The following RNF213 variants were observed in gnomAD, a reference collection of about 807,000 sequenced individuals.
RNF213 encodes the protein E3 ubiquitin-protein ligase RNF213.
A neutral mutation model predicts 514.4 loss-of-function variants in RNF213; 341 were observed. That is an observed-to-expected ratio of 0.66 (90% CI 0.61 to 0.73). RNF213 has a LOEUF of 0.73. Ranked by LOEUF, RNF213 falls within the 30% of genes least tolerant of loss-of-function variation. The pLI is 0.00. For missense variants in RNF213, 5,767 were observed against 6,615.6 expected (o/e 0.87, Z 4.45); for synonymous variants, 2,655 against 2,658.2 (o/e 1.00, Z 0.04).
intron 5 of RNF213, among the ~76,000 whole-genome samples, chr17:80,289,240 C>T (rs901983014): frequency 5.3e-5 from 8 of 152,090 alleles, no homozygotes; most frequent in South Asian, 4.1e-4. Flanking sequence ...AGGTCCCGAG[C>T]GGGGAAGGGT....
intron 8 of RNF213, among the ~76,000 whole-genome samples, chr17:80,292,660 C>T (rs932732280): frequency 6.6e-6 from 1 of 152,124 alleles, no homozygotes; most frequent in Non-Finnish European, 1.5e-5. Context: ...TGCGCCCCTT[C>T]ATGCCTCTCT....
At position 80,298,345 on chromosome 17, in the gene RNF213, G is replaced by C. The variant is rs1416253905; in HGVS notation, c.2037G>C (p.Leu679=). The C allele has an allele frequency of 6.2e-7, 1 of 1,614,156 alleles. No individual in the cohort carries two copies. The highest frequency in any genetic ancestry group is 8.5e-7 in the Non-Finnish European group (1 of 1,180,028). Reference sequence around the variant, plus strand: ...GCTGGCGGCTGTACCTGGTGAACCTGTGCCAAAGATGCATGGACACAAGGA... The same window carrying C: ...GCTGGCGGCTGTACCTGGTGAACCTCTGCCAAAGATGCATGGACACAAGGA... ...PQSWRLYLVN[L]CQRCMDTRTY... Residue 679 remains leucine (L), a synonymous_variant, in exon 11 of 68, where the codon CTG becomes CTC. Coordinates refer to ENST00000582970, the MANE Select transcript of RNF213 (RefSeq NM_001256071.3).
At chr17:80,298,746 C>G (rs2045059098) in intron 11 of RNF213, 1 of 508,010 alleles carries the variant, frequency 2.0e-6, no homozygotes, top group African/African-American at 1.9e-5. Flanking sequence ...GGGTGGATCA[C>G]CTGAGGTCAG....
chr17:80,298,257 A>C, intron 10 of RNF213, 64 bp from the exon 11 acceptor site: 9 of 1,550,260 alleles, frequency 5.8e-6, no homozygotes, highest in Non-Finnish European at 8.0e-6. Flanking sequence ...TTGGGACTCC[A>C]GACTCCCAGG....
chr17:80,303,658 G>T lies in RNF213; in HGVS notation c.2211-2594G>T, dbSNP rs535331723. Among the ~76,000 whole-genome samples, 4 of 150,674 alleles carry T rather than the reference G, an allele frequency of 2.7e-5. No homozygotes were observed. In the East Asian group the frequency reaches 7.9e-4, roughly 30 times the overall value. On this transcript the variant is annotated intron_variant, in intron 11 of 67. Transcript: ENST00000582970. ...TGGTCACTGCAACCTTCGCCTCCCA[G>T]GTTCAAGTGATTCTTGTGCCTCAGC...
chr17:80,355,758 C>T (rs369576337), intron 36 of RNF213, among the ~76,000 whole-genome samples: 32 of 72,450 alleles, frequency 4.4e-4, no homozygotes, highest in Middle Eastern at 0.011. Flanking sequence ...GAGGAAGAAG[C>T]GGGGTGAATG....
rs781742898 is a variant in RNF213 at position 80,340,345 on chromosome 17, G to A, written c.5978G>A (p.Arg1993Gln). ...TGTGTTGGGATCGTGGCCTCGGAGC[G>A]AGCAGGTGTTGGTAAGGAGAGCGGC... ...RLCVGIVASE[R>Q]AGVGKSLYVK... Residue 1993 changes from arginine to glutamine, a missense_variant, in exon 26 of 68, where the codon CGA (arginine) becomes CAA (glutamine). Around this residue, in one of 13 missense-constraint regions of RNF213, gnomAD observed 1,377 missense variants for 1,635.2 expected, o/e 0.84. Coordinates refer to ENST00000582970, the MANE Select transcript of RNF213 (RefSeq NM_001256071.3). 10 of 1,612,034 alleles carry A rather than the reference G, an allele frequency of 6.2e-6. No individual in the cohort carries two copies. The East Asian group carries it at 6.7e-5, about 11-fold the overall frequency.
chr17:80,391,713 C>T (rs1397956510), intron 67 of RNF213, among the ~76,000 whole-genome samples: 1 of 142,418 alleles, frequency 7.0e-6, no homozygotes, highest in Non-Finnish European at 1.5e-5. Flanking sequence ...GGTCTCTATA[C>T]AAAAACACTT....
rs1218448939 is a variant in RNF213, at chr17:80,371,995, C to G, written c.12537+10C>G. On this transcript the variant is annotated intron_variant, in intron 47 of 67. Coordinates refer to ENST00000582970, the MANE Select transcript of RNF213 (RefSeq NM_001256071.3). ...CATCAACTGCCTGGAGGTAAGTGAA[C>G]TCTCTCTTCCCTGAATTTCTTTTGG... 7.5e-7 allele frequency: 1 copy of G among 1,333,182 alleles called. No homozygotes were observed. The highest frequency in any genetic ancestry group is 1.7e-5 in the Admixed American group (1 of 59,684). The allele number at this position is 1,333,182 out of a possible 1,614,324, so 82.6% of individuals were successfully genotyped here.
At chr17:80,333,038 A>C (rs192686176) in intron 21 of RNF213, among the ~76,000 whole-genome samples, 17 of 151,450 alleles carry the variant, frequency 1.1e-4, no homozygotes, top group Non-Finnish European at 1.6e-4. Context: ...GTTAGAGTTA[A>C]GAGGTGACTC....
Position 80,369,804 on chromosome 17 carries a change from A to G in RNF213, c.12362A>G (p.Asn4121Ser), listed in dbSNP as rs143828863. ...CACACAAAATCTCTCTCTCCATTCA[A>G]TGATGTTGTGGATAAGACTCCTGTC... ...CEHTKSLSPF[N>S]DVVDKTPVIR... Residue 4121 changes from asparagine to serine, a missense_variant, in exon 46 of 68, where the codon AAT (asparagine) becomes AGT (serine). This residue lies in a region of RNF213 where 12 missense variants were observed against 34.6 expected (regional missense o/e 0.35). Coordinates refer to ENST00000582970, the MANE Select transcript of RNF213 (RefSeq NM_001256071.3). The G allele has an allele frequency of 6.6e-5, 106 of 1,613,972 alleles. No homozygotes were observed. The highest frequency in any genetic ancestry group is 5.8e-4 in the Admixed American group (35 of 60,026).
In RNF213 at chr17:80,289,155, G is replaced by A. The variant is rs549002397; in HGVS notation, c.933+400G>A. On this transcript the variant is annotated intron_variant, in intron 5 of 67. Coordinates refer to ENST00000582970, the MANE Select transcript of RNF213 (RefSeq NM_001256071.3). ...CGCCAGTGCCCCCAGGAGGAGTTGG[G>A]GGAGGAGAGGCCACCAATGAGGCTG... 5.9e-5 allele frequency among the ~76,000 whole-genome samples: 9 copies of A among 152,326 alleles called. No homozygotes were observed. In the South Asian group the frequency reaches 1.9e-3, roughly 32 times the overall value.
At chr17:80,267,467 A>G (rs1731063406) in intron 2 of RNF213, among the ~76,000 whole-genome samples, 2 of 152,152 alleles carry the variant, frequency 1.3e-5, no homozygotes, top group South Asian at 4.1e-4. Context: ...TGCTACTCCA[A>G]TGAACACACA....
intron 67 of RNF213, among the ~76,000 whole-genome samples, chr17:80,392,012 C>A (rs543846958): frequency 6.6e-6 from 1 of 152,062 alleles, no homozygotes; most frequent in Admixed American, 6.5e-5. Flanking sequence ...AAGTGATCTG[C>A]CCGTCTCGGC....
At chr17:80,302,637 T>C (rs12051855) in intron 11 of RNF213, among the ~76,000 whole-genome samples, 47,982 of 151,950 alleles carry the variant, frequency 0.32, 8,613 homozygotes, top group African/African-American at 0.5. Context: ...AGGAGGATTG[T>C]TTGAGGCCAG....
chr17:80,291,950 G>A (rs781063612), intron 8 of RNF213, 123 bp downstream of exon 8: 138 of 1,013,082 alleles, frequency 1.4e-4, no homozygotes, highest in Non-Finnish European at 1.8e-4. Flanking sequence ...TCTTTGCTCT[G>A]CATTGACCCC....
Position 80,319,219 on chromosome 17 carries a change from C to T in RNF213, c.2931C>T (p.Tyr977=), listed in dbSNP as rs2046053775. ...AACCCCTCTCCCAGATCACTGCCTA[C>T]TGCAATAGTTGCTGGGACACCAAAG... ...KEEPLSQITA[Y]CNSCWDTKGL... is the part of the protein sequence containing the mutation. Residue 977 remains tyrosine, a synonymous_variant, in exon 17 of 68, where the codon TAC becomes TAT. Coordinates refer to ENST00000582970, the MANE Select transcript of RNF213 (RefSeq NM_001256071.3). The T allele has an allele frequency of 6.2e-7, 1 of 1,614,116 alleles. No homozygotes were observed.
intron 21 of RNF213, among the ~76,000 whole-genome samples, chr17:80,333,463 G>A (rs1299118316): frequency 1.3e-5 from 2 of 151,516 alleles, no homozygotes; most frequent in African/African-American, 4.8e-5. Context: ...GGAGGCTGAG[G>A]TGGGCAGATC....
At chr17:80,295,185 T>C (rs1479642122) in intron 9 of RNF213, among the ~76,000 whole-genome samples, 182 bp downstream of exon 9, 2 of 152,202 alleles carry the variant, frequency 1.3e-5, no homozygotes, top group East Asian at 1.9e-4. Flanking sequence ...TTCCTCCTTT[T>C]ACTGGTTGTA....
Sources: allele counts gnomAD v4.1 joint callset (sites outside exome capture counted in the v4.1 genomes callset), GRCh38; gene constraint gnomAD v4.1.1; regional missense constraint gnomAD v4.1.1; transcripts MANE v1.5; gene names NCBI Gene and HGNC (gene_info 2026-07-23, HGNC 2026-07-21).